SNAPC4: variants seen among roughly 807,000 people sequenced by gnomAD.
The protein encoded by SNAPC4 is small nuclear RNA activating complex polypeptide 4.
A neutral mutation model predicts 151.3 loss-of-function variants in SNAPC4; 127 were observed. The observed-to-expected ratio is 0.84, with a 90% CI of 0.73 to 0.97. The LOEUF (loss-of-function observed/expected upper bound fraction) is 0.97. Ranked by LOEUF, SNAPC4 falls within the 50% of genes least tolerant of loss-of-function variation. The pLI is 0.00. For missense variants in SNAPC4, 2,186 were observed against 1,935.0 expected (o/e 1.13, Z -2.43); for synonymous variants, 1,002 against 824.4 (o/e 1.22, Z -3.69).
At chr9:136,394,181 C>A in intron 7 of SNAPC4, 68 bp downstream of exon 7, 1 of 1,290,622 alleles carries the variant, frequency 7.7e-7, no homozygotes, top group Non-Finnish European at 1.1e-6. Context: ...TCCCAAAGTG[C>A]TGGGATTCCA....
chr9:136,376,424 G>C lies in SNAPC4; in HGVS notation c.4342C>G (p.Pro1448Ala), dbSNP rs3812561. The change falls in exon 23 of 24, where the codon CCT (proline) becomes GCT (alanine). Residue 1448 changes from proline to alanine, a missense_variant. Coordinates refer to ENST00000684778, the MANE Select transcript of SNAPC4 (RefSeq NM_003086.4). ...GTTCTGAGCACGTCCAGGTCGTCAG[G>C]GTCATTAGAAGTATCCAGGCAGGAG... is the stretch of plus-strand genomic sequence containing the variant. The part of the protein sequence containing the change: ...ASSCLDTSND[P>A]DDLDVLRTRH... The C allele has an allele frequency of 3.7e-6, 6 of 1,613,402 alleles. 1 individual carries two copies. The highest frequency in any genetic ancestry group is 3.3e-5 in the South Asian group (3 of 91,092).
rs571194015 is a variant in SNAPC4 at position 136,379,168 on chromosome 9, G to A, written c.2659C>T (p.Arg887Trp). The change falls in exon 22 of 24, where the codon CGG becomes TGG. Residue 887 changes from arginine (R) to tryptophan (W), a missense_variant. By Grantham distance (101) the Arg-to-Trp change is moderately radical. Transcript: ENST00000684778. ...TCCGACACAGTCTTGGGCTTGGGCC[G>A]GGGGCCGGTTGAAGCCAGCAGGGAC... is the stretch of plus-strand genomic sequence containing the variant. ...QASLLASTGP[R>W]PKPKTVSELL... 36 of 1,589,994 alleles carry A rather than the reference G, an allele frequency of 2.3e-5. 1 individual carries two copies. Among genetic ancestry groups the A allele is most frequent in the East Asian group, 1.8e-4 (8 of 44,170 alleles).
intron 7 of SNAPC4, among the ~76,000 whole-genome samples, chr9:136,393,747 G>T (rs1037345714): frequency 2.6e-5 from 4 of 152,208 alleles, no homozygotes; most frequent in Non-Finnish European, 5.9e-5. Context: ...GCGCTTAGCC[G>T]CCCGCCCGGC....
Position 136,383,279 on chromosome 9 carries a change from G to A in SNAPC4, c.1890C>T (p.Val630=), listed in dbSNP as rs142524437. 9 of 1,612,124 alleles carry A rather than the reference G, an allele frequency of 5.6e-6. No individual in the cohort carries two copies. Among genetic ancestry groups the A allele is most frequent in the Admixed American group, 3.3e-5 (2 of 59,968 alleles). The change falls in exon 16 of 24, where the codon GTC becomes GTT. Residue 630 remains valine (V), a synonymous_variant. Transcript: ENST00000684778. This position sits in a 1 kb window ranked among gnomAD's most constrained non-coding sequence, Gnocchi z 4.2. ...APGEETSPVQ[V]PARAHGPVPR... ...GGACAGGGCCGTGGGCCCTGGCAGG[G>A]ACCTGCACCGGACTCGTCTCCTCTC...
Position 136,384,115 on chromosome 9 carries a change from C to T in SNAPC4, c.1421-83G>A, listed in dbSNP as rs878875624. ...GCTTGCTGTTCCCCAGGAGACTCGC[C>T]GTGGCCCCATCAGAGTGGAGCCTCC... On this transcript the variant is annotated intron_variant, in intron 14 of 23. Transcript: ENST00000684778. 51 of 1,198,842 alleles carry T rather than the reference C, an allele frequency of 4.3e-5. 1 individual carries two copies. In the South Asian group the frequency reaches 4.3e-4, roughly 10 times the overall value. 74.3% of individuals were successfully genotyped at this position (1,198,842 alleles called of 1,614,324 possible).
At chr9:136,392,197 C>T (rs763985924) in intron 9 of SNAPC4, 91 bp from the exon 10 acceptor site, 4 of 1,501,870 alleles carry the variant, frequency 2.7e-6, no homozygotes, top group Admixed American at 1.7e-5. Context: ...TCTCCGCCAG[C>T]TGGAGGCTTC....
chr9:136,382,124 A>G, intron 17 of SNAPC4, 51 bp from the exon 18 acceptor site: 1 of 1,563,062 alleles, frequency 6.4e-7, no homozygotes, highest in Non-Finnish European at 8.7e-7. Context: ...CGGCCCCCGG[A>G]GTGGACCCTG....
rs767552065 is a variant in SNAPC4 at position 136,384,707 on chromosome 9, G to A, written c.1420+13C>T. ...AAAAAAGAAACTAGAAGAACAAACT[G>A]TCAGCAACTTACCGACACCATATTT... On this transcript the variant is annotated intron_variant, in intron 14 of 23. Coordinates refer to ENST00000684778, the MANE Select transcript of SNAPC4 (RefSeq NM_003086.4). 16 of 1,290,016 alleles carry A rather than the reference G, an allele frequency of 1.2e-5. No individual in the cohort carries two copies. Among genetic ancestry groups the A allele is most frequent in the Non-Finnish European group, 3.3e-6 (3 of 907,372 alleles). The allele number at this position is 1,290,016 out of a possible 1,614,324, so 79.9% of individuals were successfully genotyped here.
chr9:136,397,174 T>C, intron 2 of SNAPC4, 151 bp from the exon 3 acceptor site: 3 of 732,298 alleles, frequency 4.1e-6, no homozygotes, highest in Non-Finnish European at 7.4e-6. Context: ...CTTCCCTCCC[T>C]GACAGCGGGG....
rs1833763119 is a variant in SNAPC4, at chr9:136,383,224, C to G, written c.1945G>C (p.Asp649His). 1 of 1,570,286 alleles carries G rather than the reference C, an allele frequency of 6.4e-7. No homozygotes were observed. Residue 649 changes from aspartate to histidine, a missense_variant, in exon 16 of 24, where the codon GAC becomes CAC. Asp to His is a moderately conservative substitution (Grantham distance 81). Coordinates refer to ENST00000684778, the MANE Select transcript of SNAPC4 (RefSeq NM_003086.4). This position sits in a 1 kb window ranked among gnomAD's most constrained non-coding sequence, Gnocchi z 4.2. ...TTCTCTGCGCCCGCCGGGCGAGTGT[C>G]TGCTGAGTGGGAGGCCTGGGCAGAC... Reference protein sequence around the residue: ...PRSAQASHSADTRPAGAEKQA... With the variant: ...PRSAQASHSAHTRPAGAEKQA...
chr9:136,379,759 G>T, intron 21 of SNAPC4, 78 bp downstream of exon 21: 2 of 1,378,338 alleles, frequency 1.5e-6, no homozygotes, highest in Non-Finnish European at 2.0e-6. Flanking sequence ...GTGGGTGAAA[G>T]CCAGGGCCAG....
At chr9:136,377,014 T>C (rs909227785) in intron 22 of SNAPC4, among the ~76,000 whole-genome samples, 1 of 152,188 alleles carries the variant, frequency 6.6e-6, no homozygotes, top group Non-Finnish European at 1.5e-5. Context: ...GAGGCCTCTC[T>C]GGGGGCCCCA....
intron 6 of SNAPC4, 24 bp downstream of exon 6, chr9:136,394,776 C>T (rs764569649): frequency 3.1e-6 from 5 of 1,610,116 alleles, no homozygotes; most frequent in South Asian, 1.1e-5. Context: ...TCAGGGGTGC[C>T]GCAGGGCCGG....
chr9:136,383,253 G>C lies in SNAPC4; in HGVS notation c.1916C>G (p.Pro639Arg). The C allele has an allele frequency of 6.2e-7, 1 of 1,603,784 alleles. No homozygotes were observed. The highest frequency in any genetic ancestry group is 8.5e-7 in the Non-Finnish European group (1 of 1,175,538). The part of the protein sequence containing the change: ...QVPARAHGPV[P>R]RSAQASHSAD... ...TGAGTGGGAGGCCTGGGCAGACCTC[G>C]GGACAGGGCCGTGGGCCCTGGCAGG... The change falls in exon 16 of 24, where the codon CCG (proline) becomes CGG (arginine). Residue 639 changes from proline (P) to arginine (R), a missense_variant. Pro to Arg is a moderately radical substitution (Grantham distance 103). Coordinates refer to ENST00000684778, the MANE Select transcript of SNAPC4 (RefSeq NM_003086.4). The surrounding 1 kb of genome is among the most constrained non-coding windows in gnomAD (Gnocchi z 4.2).
chr9:136,399,378 G>A (rs1316539184), intron 1 of SNAPC4, among the ~76,000 whole-genome samples: 1 of 152,182 alleles, frequency 6.6e-6, no homozygotes, highest in Non-Finnish European at 1.5e-5. Flanking sequence ...TTGTGAACCT[G>A]TAAACTCAGT....
chr9:136,392,548 C>T lies in SNAPC4; in HGVS notation c.784G>A (p.Asp262Asn). ...ALLGNRLDSH[D>N]WEKISNINFE... ...TTAATATTGGAAATCTTCTCCCAGT[C>T]GTGGCTGTCCAGCCTGTTTCCCAGC... Residue 262 changes from aspartate to asparagine, a missense_variant, in exon 9 of 24, where the codon GAC (aspartate) becomes AAC (asparagine). Physicochemically the swap from Asp to Asn is conservative, Grantham distance 23 (BLOSUM62 1). Coordinates refer to ENST00000684778, the MANE Select transcript of SNAPC4 (RefSeq NM_003086.4). 1.9e-6 allele frequency: 3 copies of T among 1,613,804 alleles called. No individual in the cohort carries two copies. Among genetic ancestry groups the T allele is most frequent in the African/African-American group, 1.3e-5 (1 of 75,062 alleles).
Position 136,377,876 on chromosome 9 carries a change from G to A in SNAPC4, c.3951C>T (p.Leu1317=), listed in dbSNP as rs1371364595. 1 of 1,611,496 alleles carries A rather than the reference G, an allele frequency of 6.2e-7. No individual in the cohort carries two copies. Among genetic ancestry groups the A allele is most frequent in the African/African-American group, 1.3e-5 (1 of 75,020 alleles). The change falls in exon 22 of 24, where the codon CTC becomes CTT. Residue 1317 remains leucine, a synonymous_variant. Transcript: ENST00000684778. ...ALCSLRALSG[L]LLHKKALEHK... is the part of the protein sequence containing the mutation. ...GCTCCAGGGCCTTCTTGTGGAGTAG[G>A]AGACCGGACAGAGCTCGCAGGCTGC...
Position 136,398,278 on chromosome 9 carries a change from G to A in SNAPC4, c.130+21C>T, listed in dbSNP as rs760279631. ...AGCTGTTCTTACCAGGACCCCAGGA[G>A]GCTAGGTACAAGGGGCTTACCTGCT... On this transcript the variant is annotated intron_variant, in intron 2 of 23. Coordinates refer to ENST00000684778, the MANE Select transcript of SNAPC4 (RefSeq NM_003086.4). 3.7e-6 allele frequency: 6 copies of A among 1,602,496 alleles called. No homozygotes were observed. The East Asian group carries it at 6.7e-5, about 18-fold the overall frequency.
Position 136,392,011 on chromosome 9 carries a change from C to T in SNAPC4, c.906G>A (p.Glu302=). 2 of 1,611,586 alleles carry T rather than the reference C, an allele frequency of 1.2e-6. No individual in the cohort carries two copies. The highest frequency in any genetic ancestry group is 1.1e-5 in the South Asian group (1 of 91,070). Reference sequence around the variant, plus strand: ...CAGCCGCGATCGCCTGCAGCCGCTCCTCCTCCTCCCTGCTCCACTCCTGCT... The same window carrying T: ...CAGCCGCGATCGCCTGCAGCCGCTCTTCCTCCTCCCTGCTCCACTCCTGCT... ...INKQEWSREE[E]ERLQAIAAAH... is the part of the protein sequence containing the mutation. Residue 302 remains glutamate, a synonymous_variant, in exon 10 of 24, where the codon GAG becomes GAA. Coordinates refer to ENST00000684778, the MANE Select transcript of SNAPC4 (RefSeq NM_003086.4).
Sources: allele counts gnomAD v4.1 joint callset (sites outside exome capture counted in the v4.1 genomes callset), GRCh38; gene constraint gnomAD v4.1.1; non-coding constraint Gnocchi (gnomAD v3.1); transcripts MANE v1.5; gene names NCBI Gene and HGNC (gene_info 2026-07-23, HGNC 2026-07-21).